Variants in CAST observed in about 807,000 individuals in gnomAD.
CAST encodes MIR583 host.
CAST carries 76 observed loss-of-function variants against 119.6 expected under a neutral mutation model. The observed-to-expected ratio is 0.64, with a 90% CI of 0.53 to 0.77. CAST has a LOEUF of 0.77. Ranked by LOEUF, CAST falls within the 30% of genes least tolerant of loss-of-function variation. The pLI is 0.00. For synonymous variants in CAST, 319 were observed against 331.6 expected (o/e 0.96, Z 0.41); for missense variants, 953 against 946.5 (o/e 1.01, Z -0.09).
At chr5:95,983,887 G>A in the CAST span, among the ~76,000 whole-genome samples, 1 of 152,038 alleles carries the variant, frequency 6.6e-6, no homozygotes, top group Non-Finnish European at 1.5e-5. Flanking sequence ...CACCAAAAGT[G>A]GTATATAACA....
the CAST span, among the ~76,000 whole-genome samples, chr5:96,127,270 A>G: frequency 1.3e-5 from 2 of 152,124 alleles, no homozygotes; most frequent in Non-Finnish European, 2.9e-5. Context: ...TGTGAAATTC[A>G]GTAATTGGTT....
At chr5:96,323,513 G>T in the CAST span, among the ~76,000 whole-genome samples, 2 of 152,268 alleles carry the variant, frequency 1.3e-5, no homozygotes, top group East Asian at 3.9e-4. Flanking sequence ...ATAGTCCCTT[G>T]CTTTATTTTT....
the CAST span, among the ~76,000 whole-genome samples, chr5:96,407,143 A>C: frequency 6.6e-6 from 1 of 152,246 alleles, no homozygotes; most frequent in Non-Finnish European, 1.5e-5. Flanking sequence ...TGAGCATAAA[A>C]GCAAAGGAAG....
At chr5:96,486,823 C>T in the CAST span, among the ~76,000 whole-genome samples, 1 of 152,194 alleles carries the variant, frequency 6.6e-6, no homozygotes, top group Non-Finnish European at 1.5e-5. Context: ...CCCCAGGTAG[C>T]CTCCTGTGAG....
At chr5:96,152,570 A>G in the CAST span, among the ~76,000 whole-genome samples, 1 of 152,208 alleles carries the variant, frequency 6.6e-6, no homozygotes, top group African/African-American at 2.4e-5. Flanking sequence ...ACATCTCACA[A>G]TCACATATGC....
At chr5:96,033,486 A>G in the CAST span, among the ~76,000 whole-genome samples, 1 of 152,186 alleles carries the variant, frequency 6.6e-6, no homozygotes, top group African/African-American at 2.4e-5. Flanking sequence ...AAGGCCCCCA[A>G]GTAAATCCAC....
intron 1 of CAST, among the ~76,000 whole-genome samples, chr5:96,632,523 C>A (rs1580853657): frequency 6.6e-6 from 1 of 151,826 alleles, no homozygotes; most frequent in Non-Finnish European, 1.5e-5. Context: ...TTTGCTAATC[C>A]CAGGTCTTAA....
intron 1 of CAST, among the ~76,000 whole-genome samples, chr5:96,625,969 T>C (rs1417908026): frequency 6.6e-6 from 1 of 152,204 alleles, no homozygotes; most frequent in East Asian, 1.9e-4. Flanking sequence ...CTGAGACCCC[T>C]GACCAGTCTT....
At chr5:96,416,954 C>T in the CAST span, among the ~76,000 whole-genome samples, 2 of 152,160 alleles carry the variant, frequency 1.3e-5, no homozygotes, top group East Asian at 1.9e-4. Context: ...GCCAACAAGC[C>T]AAAAGCACAT....
At chr5:95,992,395 A>T in the CAST span, among the ~76,000 whole-genome samples, 1 of 151,466 alleles carries the variant, frequency 6.6e-6, no homozygotes, top group Non-Finnish European at 1.5e-5. Flanking sequence ...TGAGAGGGGT[A>T]CTTCTCTATG....
the CAST span, among the ~76,000 whole-genome samples, chr5:96,244,043 G>A: frequency 2.0e-5 from 3 of 152,188 alleles, no homozygotes; most frequent in African/African-American, 7.2e-5. Context: ...GTGACGTTAA[G>A]GTTAGAAAGT....
At chr5:96,241,543 T>C in the CAST span, among the ~76,000 whole-genome samples, 1 of 149,404 alleles carries the variant, frequency 6.7e-6, no homozygotes, top group African/African-American at 2.5e-5. Context: ...TGTGTCTTTA[T>C]AGCAGCATGA....
At chr5:96,105,661 A>G in the CAST span, among the ~76,000 whole-genome samples, 2 of 152,212 alleles carry the variant, frequency 1.3e-5, no homozygotes, top group East Asian at 3.8e-4. Flanking sequence ...GGATTTTTGC[A>G]TCAATGTTCA....
chr5:96,316,147 C>G, the CAST span, among the ~76,000 whole-genome samples: 1 of 152,264 alleles, frequency 6.6e-6, no homozygotes. Context: ...AATAGGTAAC[C>G]AGAATAGTGA....
the CAST span, among the ~76,000 whole-genome samples, chr5:96,500,860 T>C: frequency 6.6e-6 from 1 of 152,146 alleles, no homozygotes; most frequent in Non-Finnish European, 1.5e-5. Flanking sequence ...TGGAAATAGA[T>C]GATGGAAAAG....
At position 96,704,623 on chromosome 5, in the gene CAST, G is replaced by A. The variant is rs150020684; in HGVS notation, c.210+8716G>A. ...AACTCCATAACCCATATTCTTCTAT[G>A]TTCATATATATCTTTGTATCTCCTC... On this transcript the variant is annotated intron_variant, in intron 3 of 31. Transcript: ENST00000675179. Among the ~76,000 whole-genome samples, 239 of 152,182 alleles carry A rather than the reference G, an allele frequency of 1.6e-3. 1 individual carries two copies. Among genetic ancestry groups the A allele is most frequent in the African/African-American group, 5.0e-3 (208 of 41,512 alleles).
At chr5:96,484,970 T>C in the CAST span, among the ~76,000 whole-genome samples, 1 of 152,174 alleles carries the variant, frequency 6.6e-6, no homozygotes, top group Non-Finnish European at 1.5e-5. Context: ...TGTAGAGCTC[T>C]CTGGAAGGCA....
chr5:96,490,558 C>A, the CAST span, among the ~76,000 whole-genome samples: 4 of 152,044 alleles, frequency 2.6e-5, no homozygotes, highest in East Asian at 7.7e-4. Context: ...TAATCATATA[C>A]AAATAGGCTA....
the CAST span, chr5:96,398,939 C>G: frequency 6.2e-7 from 1 of 1,613,030 alleles, no homozygotes; most frequent in African/African-American, 1.3e-5. Flanking sequence ...ATTGTTGCTT[C>G]AAATTGTACA....
Sources: gnomAD v4.1 joint callset for allele counts (sites outside exome capture counted in the v4.1 genomes callset) on GRCh38, gnomAD v4.1.1 for gene constraint, MANE v1.5 for transcripts, NCBI Gene and HGNC (gene_info 2026-07-23, HGNC 2026-07-21) for gene names.